EHMT1: variants seen among roughly 807,000 people sequenced by gnomAD.
EHMT1 encodes euchromatic histone lysine methyltransferase 1, also known as histone-lysine N-methyltransferase EHMT1.
In EHMT1, 15 loss-of-function variants were observed where a neutral mutation model predicts 147.2. The ratio of observed to expected loss-of-function variants is 0.10; its 90% CI spans 0.07 to 0.16. The LOEUF is 0.16. Ranked by LOEUF, EHMT1 falls within the 10% of genes least tolerant of loss-of-function variation. EHMT1 has a pLI of 1.00. For missense variants in EHMT1, 1,587 were observed against 1,772.4 expected (o/e 0.90, Z 1.88); for synonymous variants, 795 against 709.6 (o/e 1.12, Z -1.91).
At chr9:137,788,389 C>T (rs4487855) in intron 15 of EHMT1, 182,777 of 293,090 alleles carry the variant, frequency 0.62, 57,915 homozygotes, top group East Asian at 0.86. Flanking sequence ...GCCGGGGTGA[C>T]GCTCACGCAG....
At chr9:137,824,306 A>G (rs115203591) in intron 25 of EHMT1, among the ~76,000 whole-genome samples, 2 of 152,062 alleles carry the variant, frequency 1.3e-5, no homozygotes, top group Non-Finnish European at 2.9e-5. Context: ...ATCCAGCACC[A>G]CTAGTTCTGC....
intron 18 of EHMT1, among the ~76,000 whole-genome samples, chr9:137,809,432 G>A (rs570389471): frequency 6.6e-6 from 1 of 152,360 alleles, no homozygotes; most frequent in East Asian, 1.9e-4. Context: ...CTCGGAGGGA[G>A]GCGGGGCAGA....
chr9:137,797,917 G>A (rs897804045), intron 16 of EHMT1, among the ~76,000 whole-genome samples: 2 of 152,236 alleles, frequency 1.3e-5, no homozygotes, highest in African/African-American at 2.4e-5. Flanking sequence ...CCTGTGTAAG[G>A]CGTGTGGATG....
Position 137,673,168 on chromosome 9 carries a change from T to C in EHMT1, c.22-37799T>C, listed in dbSNP as rs187741675. ...AGGGTTGTCTCATCTTAGAGTGACA[T>C]CCTAGAGTGTGTAGGAACCTCCCAG... On this transcript the variant is annotated intron_variant, in intron 1 of 26. Transcript: ENST00000460843. 1.1e-3 allele frequency among the ~76,000 whole-genome samples: 161 copies of C among 152,320 alleles called. 2 individuals carry two copies. Among genetic ancestry groups the C allele is most frequent in the Non-Finnish European group, 5.9e-5 (4 of 68,030 alleles).
chr9:137,743,248 T>C, intron 4 of EHMT1, 123 bp from the exon 5 acceptor site: 2 of 1,283,218 alleles, frequency 1.6e-6, no homozygotes, highest in Non-Finnish European at 2.1e-6. Context: ...GGGCCTGTTG[T>C]GATGGGGTTT....
At position 137,811,450 on chromosome 9, in the gene EHMT1, T is replaced by C. The variant is rs1048533067; in HGVS notation, c.2713-11T>C. 4 of 1,612,114 alleles carry C rather than the reference T, an allele frequency of 2.5e-6. No individual in the cohort carries two copies. Among genetic ancestry groups the C allele is most frequent in the Non-Finnish European group, 3.4e-6 (4 of 1,180,000 alleles). On this transcript the variant is annotated splice_polypyrimidine_tract_variant and intron_variant, in intron 18 of 26. Transcript: ENST00000460843. ...GAAGCCTGCACTGAGCTCTGGCTTG[T>C]GTCTGTTCAGGAGGAGAACATTTGC...
At chr9:137,694,582 C>A (rs1283199219) in intron 1 of EHMT1, among the ~76,000 whole-genome samples, 1 of 152,230 alleles carries the variant, frequency 6.6e-6, no homozygotes, top group Non-Finnish European at 1.5e-5. Flanking sequence ...TCTTAATTTG[C>A]TCCATATTAA....
At position 137,824,305 on chromosome 9, in the gene EHMT1, C is replaced by A. The variant is rs116951482; in HGVS notation, c.3540+6167C>A. ...TCCATGTGGACAGTTAATCCAGCAC[C>A]ACTAGTTCTGCTTATACCAGCTGAT... On this transcript the variant is annotated intron_variant, in intron 25 of 26. Transcript: ENST00000460843. Among the ~76,000 whole-genome samples, 56 of 152,250 alleles carry A rather than the reference C, an allele frequency of 3.7e-4. 2 individuals are homozygous for A. The East Asian group carries it at 0.011, about 29-fold the overall frequency.
chr9:137,796,927 G>A (rs968827800), intron 16 of EHMT1, among the ~76,000 whole-genome samples: 9 of 152,094 alleles, frequency 5.9e-5, no homozygotes, highest in Non-Finnish European at 1.0e-4. Context: ...GGTGGGGCGC[G>A]GGGACTGCAG....
At chr9:137,762,926 G>T (rs1487121982) in intron 10 of EHMT1, 106 bp downstream of exon 10, 2 of 1,497,756 alleles carry the variant, frequency 1.3e-6, no homozygotes, top group Non-Finnish European at 1.8e-6. Context: ...TGCGTGACCA[G>T]GGCGGGAGCC....
chr9:137,672,931 A>G (rs1940849170), intron 1 of EHMT1, among the ~76,000 whole-genome samples: 2 of 152,178 alleles, frequency 1.3e-5, no homozygotes, highest in Non-Finnish European at 2.9e-5. Context: ...GAATTTATTA[A>G]TATTACTACT....
chr9:137,664,771 G>C (rs994536686), intron 1 of EHMT1: 1 of 152,248 alleles, frequency 6.6e-6, no homozygotes. Context: ...TGTGTGGGTT[G>C]CAGATAGGTT....
At chr9:137,831,168 C>G (rs1225643645) in intron 25 of EHMT1, among the ~76,000 whole-genome samples, 1 of 152,220 alleles carries the variant, frequency 6.6e-6, no homozygotes, top group Admixed American at 6.5e-5. Context: ...ACCTTGGGGT[C>G]TCAGCCTGTG....
chr9:137,718,867 T>A (rs375071796), intron 3 of EHMT1, among the ~76,000 whole-genome samples: 1 of 151,892 alleles, frequency 6.6e-6, no homozygotes, highest in East Asian at 1.9e-4. Context: ...GTGATTCTCA[T>A]GCTTCAGCCT....
intron 25 of EHMT1, among the ~76,000 whole-genome samples, chr9:137,829,492 C>A (rs907193365): frequency 5.9e-5 from 9 of 152,248 alleles, no homozygotes; most frequent in Non-Finnish European, 1.3e-4. Context: ...CCCCCAGTGA[C>A]GTCAGAGTGT....
At chr9:137,663,584 A>G (rs980205054) in intron 1 of EHMT1, among the ~76,000 whole-genome samples, 1 of 152,172 alleles carries the variant, frequency 6.6e-6, no homozygotes, top group Non-Finnish European at 1.5e-5. Flanking sequence ...TTACTTAAAC[A>G]TGTCACACTA....
In EHMT1 at chr9:137,673,549, A is replaced by G. The variant is rs192153347; in HGVS notation, c.22-37418A>G. On this transcript the variant is annotated intron_variant, in intron 1 of 26. Transcript: ENST00000460843. ...GAAGCTCCGGCCTCGAGGATGTGCCAGGGAGTGTGTGGAGGTCATGTCTGT... is the reference window on the plus strand; with the variant it reads ...GAAGCTCCGGCCTCGAGGATGTGCCGGGGAGTGTGTGGAGGTCATGTCTGT... 6.6e-5 allele frequency among the ~76,000 whole-genome samples: 10 copies of G among 152,280 alleles called. No homozygotes were observed. In the East Asian group the frequency reaches 1.9e-3, roughly 29 times the overall value.
chr9:137,767,889 T>C (rs915364528), intron 10 of EHMT1, among the ~76,000 whole-genome samples: 7 of 152,186 alleles, frequency 4.6e-5, no homozygotes, highest in Non-Finnish European at 7.3e-5. Flanking sequence ...AATTTTGGAT[T>C]TTGGAACATT....
intron 15 of EHMT1, chr9:137,788,759 C>T (rs1438625536): frequency 6.6e-6 from 1 of 152,226 alleles, no homozygotes; most frequent in Non-Finnish European, 1.5e-5. Context: ...AGGGCGCCGT[C>T]CGTCAGAGCC....
Sources: allele counts gnomAD v4.1 joint callset (sites outside exome capture counted in the v4.1 genomes callset), GRCh38; gene constraint gnomAD v4.1.1; transcripts MANE v1.5; gene names NCBI Gene and HGNC (gene_info 2026-07-23, HGNC 2026-07-21).